Variants in NOTCH4 observed in about 807,000 individuals in gnomAD.
The protein encoded by NOTCH4 is notch receptor 4.
In NOTCH4, 138 loss-of-function variants were observed where a neutral mutation model predicts 189.0. That is an observed-to-expected ratio of 0.73 (90% CI 0.64 to 0.84). The LOEUF is 0.84. Ranked by LOEUF, NOTCH4 falls within the 40% of genes least tolerant of loss-of-function variation. The pLI, the probability that NOTCH4 is intolerant of heterozygous loss-of-function variation, is 0.00. For missense variants in NOTCH4, 2,286 were observed against 2,605.4 expected, an observed-to-expected ratio of 0.88 and a Z score of 2.67; for synonymous variants, 942 against 1,032.8, an observed-to-expected ratio of 0.91 and a Z score of 1.69.
At chr6:32,205,824 T>G (rs1788642318) in intron 18 of NOTCH4, among the ~76,000 whole-genome samples, 1 of 151,964 alleles carries the variant, frequency 6.6e-6, no homozygotes, top group Non-Finnish European at 1.5e-5. Flanking sequence ...GGTCAGGATT[T>G]TGAGACCAGC....
rs1320437757 is a variant in NOTCH4 at position 32,195,291 on chromosome 6, G to A, written c.*146C>T. Reference sequence around the variant, plus strand: ...CAGCTTCTCCACGTGGAAGATGTCTGCTCTGGTGGGCATACATTCATTTTA... The same window carrying A: ...CAGCTTCTCCACGTGGAAGATGTCTACTCTGGTGGGCATACATTCATTTTA... On this transcript the variant is annotated 3_prime_UTR_variant, in exon 30 of 30. Transcript: ENST00000375023. This position sits in a 1 kb window ranked among gnomAD's most constrained non-coding sequence, Gnocchi z 5.4. 2 of 737,706 alleles carry A rather than the reference G, an allele frequency of 2.7e-6. No individual in the cohort carries two copies. The highest frequency in any genetic ancestry group is 2.1e-6 in the Non-Finnish European group (1 of 465,668). 45.7% of individuals were successfully genotyped at this position (737,706 alleles called of 1,614,324 possible).
In NOTCH4 at chr6:32,222,496, C is replaced by G; in HGVS notation, c.451+15G>C. 6.7e-7 allele frequency: 1 copy of G among 1,502,398 alleles called. No individual in the cohort carries two copies. The highest frequency in any genetic ancestry group is 8.8e-7 in the Non-Finnish European group (1 of 1,130,576). 93.1% of individuals were successfully genotyped at this position (1,502,398 alleles called of 1,614,324 possible). On this transcript the variant is annotated intron_variant, in intron 3 of 29. Coordinates refer to ENST00000375023, the MANE Select transcript of NOTCH4 (RefSeq NM_004557.4). ...TCCTGCCTGTCCCCTCCTGGCTGCC[C>G]CCAGCAGCGCTTACCTGTCCATCCA...
At chr6:32,214,595 C>T (rs1226295654) in intron 12 of NOTCH4, among the ~76,000 whole-genome samples, 1 of 151,628 alleles carries the variant, frequency 6.6e-6, no homozygotes, top group African/African-American at 2.4e-5. Context: ...CCCCCAGGGC[C>T]TGGAACAGTA....
chr6:32,222,505 G>A lies in NOTCH4; in HGVS notation c.451+6C>T, dbSNP rs1315048879. On this transcript the variant is annotated splice_donor_region_variant and intron_variant, in intron 3 of 29. Coordinates refer to ENST00000375023, the MANE Select transcript of NOTCH4 (RefSeq NM_004557.4). ...TCCCCTCCTGGCTGCCCCCAGCAGC[G>A]CTTACCTGTCCATCCAGGCATGCAG... 7.2e-6 allele frequency: 11 copies of A among 1,518,978 alleles called. No homozygotes were observed. The East Asian group carries it at 9.3e-5, about 13-fold the overall frequency. The allele number at this position is 1,518,978 out of a possible 1,614,324, so 94.1% of individuals were successfully genotyped here. A position where few individuals can be genotyped will look rare whatever the true frequency, so the allele number is the denominator to read the frequency against.
intron 20 of NOTCH4, 37 bp downstream of exon 20, chr6:32,203,733 A>G (rs1310393969): frequency 1.6e-5 from 24 of 1,461,660 alleles, no homozygotes; most frequent in Non-Finnish European, 2.2e-5. Context: ...TTGTCAGCAT[A>G]GGGGGCAACA....
rs772628389 is a variant in NOTCH4, at chr6:32,220,560, G to T, written c.1004C>A (p.Ser335Tyr). Residue 335 changes from serine (S) to tyrosine (Y), a missense_variant, in exon 6 of 30, where the codon TCT becomes TAT. Ser to Tyr is a moderately radical substitution (Grantham distance 144). Transcript: ENST00000375023. ...HCRNGGTCQN[S>Y]AGSFHCVCVS... ...ACACACGCAGTGAAAGCTACCAGCAGAGTTCTGGCAGGTGCCCCCGTTTCT... is the reference window on the plus strand; with the variant it reads ...ACACACGCAGTGAAAGCTACCAGCATAGTTCTGGCAGGTGCCCCCGTTTCT... The T allele has an allele frequency of 6.2e-7, 1 of 1,613,948 alleles. No homozygotes were observed. The highest frequency in any genetic ancestry group is 8.5e-7 in the Non-Finnish European group (1 of 1,180,024).
intron 8 of NOTCH4, 103 bp from the exon 9 acceptor site, chr6:32,218,211 C>T: frequency 1.3e-6 from 1 of 741,514 alleles, no homozygotes; most frequent in Non-Finnish European, 2.4e-6. Context: ...CTCAGGCGGT[C>T]CTCCCCCGAG....
chr6:32,197,819 C>CTTT lies in NOTCH4; in HGVS notation c.4757-228_4757-226dup, dbSNP rs9281668. On this transcript the variant is annotated intron_variant, in intron 26 of 29. Transcript: ENST00000375023. ...TGACATTCCAGGGCAGTGGTTTTCT[C>CTTT]TTTTTTTTTTTTTTTTTTCTGAGAC... 9.0e-5 allele frequency among the ~76,000 whole-genome samples: 12 copies of CTTT among 132,976 alleles called. No individual in the cohort carries two copies. The South Asian group carries it at 9.5e-4, about 11-fold the overall frequency. The allele number at this position is 132,976 out of a possible 152,430, so 87.2% of individuals were successfully genotyped here. A position where few individuals can be genotyped will look rare whatever the true frequency, so the allele number is the denominator to read the frequency against.
chr6:32,201,984 G>A lies in NOTCH4; in HGVS notation c.3755+92C>T. ...TGGAAACTCCCTGGAGCCCAAGGCT[G>A]TGGCCACACTGTAACTCAGAGCCAT... is the stretch of plus-strand genomic sequence containing the variant. On this transcript the variant is annotated intron_variant, in intron 21 of 29. Transcript: ENST00000375023. The surrounding 1 kb of genome is among the most constrained non-coding windows in gnomAD (Gnocchi z 5.5). The A allele has an allele frequency of 8.0e-7, 1 of 1,247,194 alleles. No individual in the cohort carries two copies. Among genetic ancestry groups the A allele is most frequent in the East Asian group, 2.6e-5 (1 of 38,660 alleles). The allele number at this position is 1,247,194 out of a possible 1,614,324, so 77.3% of individuals were successfully genotyped here.
Position 32,213,758 on chromosome 6 carries a change from G to A in NOTCH4, c.2250C>T (p.Gly750=). ...NGGSCNPSPG[G]YYCTCPPSHT... ...GGCTTGGAGGGCAGGTGCAGTAGTA[G>A]CCTCCAGGGCTAGGGTTGCAGGAGC... The change falls in exon 14 of 30, where the codon GGC becomes GGT. Residue 750 remains glycine, a synonymous_variant. Coordinates refer to ENST00000375023, the MANE Select transcript of NOTCH4 (RefSeq NM_004557.4). The A allele has an allele frequency of 6.2e-7, 1 of 1,612,554 alleles. No homozygotes were observed. Among genetic ancestry groups the A allele is most frequent in the East Asian group, 2.2e-5 (1 of 44,882 alleles).
In NOTCH4 at chr6:32,202,136, T is replaced by C. The variant is rs1788388036; in HGVS notation, c.3695A>G (p.Gln1232Arg). 1.3e-6 allele frequency: 2 copies of C among 1,512,572 alleles called. No homozygotes were observed. The highest frequency in any genetic ancestry group is 1.8e-6 in the Non-Finnish European group (2 of 1,130,340). 93.7% of individuals were successfully genotyped at this position (1,512,572 alleles called of 1,614,324 possible). Residue 1232 changes from glutamine (Q) to arginine (R), a missense_variant, in exon 21 of 30, where the codon CAG (glutamine) becomes CGG (arginine). Physicochemically the swap from Gln to Arg is conservative, Grantham distance 43. Coordinates refer to ENST00000375023, the MANE Select transcript of NOTCH4 (RefSeq NM_004557.4). This position sits in a 1 kb window ranked among gnomAD's most constrained non-coding sequence, Gnocchi z 5.7. ...AAACAGACACTCTTCAGAGTCACAC[T>C]GTGGGTGGCACTGCCCGTCCCGGAA... is the stretch of plus-strand genomic sequence containing the variant. ...LLFRDGQCHPQCDSEECLFDG... is the reference protein window; with the variant it reads ...LLFRDGQCHPRCDSEECLFDG...
intron 8 of NOTCH4, among the ~76,000 whole-genome samples, chr6:32,218,743 A>C (rs1400736981): frequency 6.6e-6 from 1 of 152,040 alleles, no homozygotes; most frequent in Non-Finnish European, 1.5e-5. Context: ...TTATTTCTCT[A>C]TGATTGTCTG....
At chr6:32,213,667 C>T (rs1251756000) in intron 14 of NOTCH4, 21 bp downstream of exon 14, 14 of 1,611,380 alleles carry the variant, frequency 8.7e-6, no homozygotes, top group Non-Finnish European at 1.2e-5. Flanking sequence ...ACCCCAGCCC[C>T]ATGACACAGT....
intron 18 of NOTCH4, among the ~76,000 whole-genome samples, chr6:32,209,981 C>T (rs988940547): frequency 6.6e-6 from 1 of 152,098 alleles, no homozygotes; most frequent in African/African-American, 2.4e-5. Flanking sequence ...AATAAAATGG[C>T]AACCACACAC....
Position 32,213,745 on chromosome 6 carries a change from A to G in NOTCH4, c.2263T>C (p.Cys755Arg), listed in dbSNP as rs747684775. The change falls in exon 14 of 30, where the codon TGC (cysteine) becomes CGC (arginine). Residue 755 changes from cysteine (C) to arginine (R), a missense_variant. By Grantham distance (180) the Cys-to-Arg change is radical (BLOSUM62 -3). Coordinates refer to ENST00000375023, the MANE Select transcript of NOTCH4 (RefSeq NM_004557.4). ...NPSPGGYYCT[C>R]PPSHTGPQCQ... Reference sequence around the variant, plus strand: ...TGGGGCCCTGTGTGGCTTGGAGGGCAGGTGCAGTAGTAGCCTCCAGGGCTA... The same window carrying G: ...TGGGGCCCTGTGTGGCTTGGAGGGCGGGTGCAGTAGTAGCCTCCAGGGCTA... 4 of 1,612,680 alleles carry G rather than the reference A, an allele frequency of 2.5e-6. No homozygotes were observed. The highest frequency in any genetic ancestry group is 3.4e-6 in the Non-Finnish European group (4 of 1,179,996).
chr6:32,195,885 C>A lies in NOTCH4; in HGVS notation c.5564G>T (p.Gly1855Val). ...CGTCCGGCAGCGCGGCAGAGCCCCG[C>A]CCCCATGCGGGGGCACGCTTACTGA... ...TVSVSVPPHG[G>V]GALPRCRTLS... The change falls in exon 30 of 30, where the codon GGC (glycine) becomes GTC (valine). Residue 1855 changes from glycine (G) to valine (V), a missense_variant. Coordinates refer to ENST00000375023, the MANE Select transcript of NOTCH4 (RefSeq NM_004557.4). This position sits in a 1 kb window ranked among gnomAD's most constrained non-coding sequence, Gnocchi z 5.4. 1 of 1,590,170 alleles carries A rather than the reference C, an allele frequency of 6.3e-7. No homozygotes were observed. The highest frequency in any genetic ancestry group is 1.1e-5 in the South Asian group (1 of 90,094).
At position 32,202,120 on chromosome 6, in the gene NOTCH4, C is replaced by T; in HGVS notation, c.3711G>A (p.Glu1237=). The T allele has an allele frequency of 6.7e-7, 1 of 1,502,890 alleles. No homozygotes were observed. The highest frequency in any genetic ancestry group is 8.9e-7 in the Non-Finnish European group (1 of 1,124,140). The allele number at this position is 1,502,890 out of a possible 1,614,324, so 93.1% of individuals were successfully genotyped here. Residue 1237 remains glutamate (E), a synonymous_variant, in exon 21 of 30, where the codon GAG becomes GAA. Coordinates refer to ENST00000375023, the MANE Select transcript of NOTCH4 (RefSeq NM_004557.4). The surrounding 1 kb of genome is among the most constrained non-coding windows in gnomAD (Gnocchi z 5.7). ...GQCHPQCDSE[E]CLFDGYDCET... ...CACAGTCGTAGCCATCAAACAGACACTCTTCAGAGTCACACTGTGGGTGGC... is the reference window on the plus strand; with the variant it reads ...CACAGTCGTAGCCATCAAACAGACATTCTTCAGAGTCACACTGTGGGTGGC...
At chr6:32,204,079 C>A in intron 19 of NOTCH4, 58 bp downstream of exon 19, 1 of 1,595,978 alleles carries the variant, frequency 6.3e-7, no homozygotes, top group Non-Finnish European at 8.5e-7. Flanking sequence ...ATCTGGCTCT[C>A]CATGGTCTGC....
rs2127488346 is a variant in NOTCH4, at chr6:32,220,833, C to T, written c.845G>A (p.Ser282Asn). The T allele has an allele frequency of 1.9e-6, 3 of 1,614,084 alleles. No individual in the cohort carries two copies. Among genetic ancestry groups the T allele is most frequent in the South Asian group, 1.1e-5 (1 of 91,082 alleles). Reference sequence around the variant, plus strand: ...AGTGCCCCCATTCTGACACTGGTGGCTGACACAGTTGTCTGGATTCACCTC... The same window carrying T: ...AGTGCCCCCATTCTGACACTGGTGGTTGACACAGTTGTCTGGATTCACCTC... Reference protein sequence around the residue: ...DCEVNPDNCVSHQCQNGGTCQ... With the variant: ...DCEVNPDNCVNHQCQNGGTCQ... Residue 282 changes from serine (S) to asparagine (N), a missense_variant, in exon 5 of 30, where the codon AGC becomes AAC. By Grantham distance (46) the Ser-to-Asn change is conservative (BLOSUM62 1). Transcript: ENST00000375023.
Sources: allele counts gnomAD v4.1 joint callset (sites outside exome capture counted in the v4.1 genomes callset), GRCh38; gene constraint gnomAD v4.1.1; non-coding constraint Gnocchi (gnomAD v3.1); transcripts MANE v1.5; gene names NCBI Gene and HGNC (gene_info 2026-07-23, HGNC 2026-07-21).